Variants in NR3C1 observed in about 807,000 individuals in gnomAD.
NR3C1 encodes the protein nuclear receptor subfamily 3 group C member 1.
In NR3C1, 14 loss-of-function variants were observed where a neutral mutation model predicts 74.0. The ratio of observed to expected loss-of-function variants is 0.19; its 90% CI spans 0.12 to 0.30. The LOEUF (loss-of-function observed/expected upper bound fraction) is 0.30, where lower values mean the gene tolerates loss of function less well. Among genes scored for constraint, NR3C1 ranks in the 10% least tolerant of loss-of-function variants. NR3C1 has a pLI of 1.00. For synonymous variants in NR3C1, 308 were observed against 332.5 expected, an observed-to-expected ratio of 0.93 and a Z score of 0.80; for missense variants, 695 against 909.8, an observed-to-expected ratio of 0.76 and a Z score of 3.04.
rs1168820520 is a variant in NR3C1, at chr5:143,400,080, T to G, written c.760A>C (p.Lys254Gln). The G allele has an allele frequency of 3.7e-6, 6 of 1,614,248 alleles. No homozygotes were observed. The highest frequency in any genetic ancestry group is 1.7e-5 in the Admixed American group (1 of 60,028). Reference protein sequence around the residue: ...DCKPLILPDTKPKIKDNGDLV... With the variant: ...DCKPLILPDTQPKIKDNGDLV... ...TCTCCATTATCCTTAATTTTGGGTT[T>G]AGTGTCCGGTAAAATGAGAGGCTTG... Residue 254 changes from lysine (K) to glutamine (Q), a missense_variant, in exon 2 of 9, where the codon AAA becomes CAA. Physicochemically the swap from Lys to Gln is moderately conservative, Grantham distance 53. Transcript: ENST00000394464.
At chr5:143,371,322 T>G (rs950595424) in intron 2 of NR3C1, among the ~76,000 whole-genome samples, 3 of 152,252 alleles carry the variant, frequency 2.0e-5, no homozygotes, top group Non-Finnish European at 2.9e-5. Context: ...CTGAAAAGAC[T>G]GCTCTTGCTT....
intron 7 of NR3C1, among the ~76,000 whole-genome samples, chr5:143,291,416 G>T (rs531804125): frequency 6.6e-6 from 1 of 151,934 alleles, no homozygotes; most frequent in African/African-American, 2.4e-5. Context: ...AGTAGAGATG[G>T]GGTTTTACCA....
intron 2 of NR3C1, among the ~76,000 whole-genome samples, chr5:143,347,285 T>C (rs1829460989): frequency 6.6e-6 from 1 of 152,174 alleles, no homozygotes; most frequent in Admixed American, 6.6e-5. Context: ...CAGTCATTAA[T>C]ATTTGTAAGA....
At chr5:143,394,737 T>C (rs2151925522) in intron 2 of NR3C1, among the ~76,000 whole-genome samples, 1 of 152,126 alleles carries the variant, frequency 6.6e-6, no homozygotes, top group Middle Eastern at 3.4e-3. Flanking sequence ...GATTTCTACC[T>C]GAAATAAAAG....
At chr5:143,416,231 T>G (rs539597488) in intron 1 of NR3C1, among the ~76,000 whole-genome samples, 149 of 152,278 alleles carry the variant, frequency 9.8e-4, no homozygotes, top group African/African-American at 3.5e-3. Flanking sequence ...TTCCCTAACT[T>G]TGGTCCATGC....
At chr5:143,389,706 T>C (rs1435350699) in intron 2 of NR3C1, among the ~76,000 whole-genome samples, 1 of 152,210 alleles carries the variant, frequency 6.6e-6, no homozygotes, top group East Asian at 1.9e-4. Flanking sequence ...TGATTAAAAA[T>C]GTAGTGCCCA....
intron 2 of NR3C1, among the ~76,000 whole-genome samples, chr5:143,351,807 T>C (rs1422147828): frequency 6.6e-6 from 1 of 152,176 alleles, no homozygotes; most frequent in Non-Finnish European, 1.5e-5. Flanking sequence ...TATCCGATGG[T>C]TCCTAATTGA....
rs1218211378 is a variant in NR3C1, at chr5:143,279,250, C to T, written c.*2639G>A. 1.6e-6 allele frequency: 2 copies of T among 1,219,954 alleles called. No homozygotes were observed. The highest frequency in any genetic ancestry group is 2.7e-5 in the East Asian group (1 of 36,530). The allele number at this position is 1,219,954 out of a possible 1,614,324, so 75.6% of individuals were successfully genotyped here. ...CTTCTTTTCCCATTTAATGAAAAGC[C>T]TCCTATAGTTGTCGATGAGCATCAG... On this transcript the variant is annotated 3_prime_UTR_variant, in exon 9 of 9. Coordinates refer to ENST00000394464, the MANE Select transcript of NR3C1 (RefSeq NM_000176.3).
chr5:143,322,295 G>A (rs1420999906), intron 2 of NR3C1, among the ~76,000 whole-genome samples: 1 of 152,176 alleles, frequency 6.6e-6, no homozygotes, highest in Admixed American at 6.5e-5. Context: ...CAACATCAGT[G>A]TTCTTAAGCA....
chr5:143,313,137 G>C (rs898755166), intron 3 of NR3C1, among the ~76,000 whole-genome samples: 2 of 152,082 alleles, frequency 1.3e-5, no homozygotes, highest in Non-Finnish European at 2.9e-5. Context: ...CAGAGCTTTA[G>C]GCCAAGCTAC....
intron 2 of NR3C1, among the ~76,000 whole-genome samples, chr5:143,326,316 A>T (rs1824594240): frequency 6.6e-6 from 1 of 152,196 alleles, no homozygotes; most frequent in Admixed American, 6.5e-5. Context: ...TAAACATCAA[A>T]GTTAATTTCT....
At chr5:143,297,097 GAA>G (rs1442031733) in intron 6 of NR3C1, among the ~76,000 whole-genome samples, 1 of 125,570 alleles carries the variant, frequency 8.0e-6, no homozygotes, top group Non-Finnish European at 1.7e-5. Flanking sequence ...AAAAAAAAAA[GAA>G]AAGAAAAAGG....
At position 143,340,786 on chromosome 5, in the gene NR3C1, G is replaced by A. The variant is rs13353891; in HGVS notation, c.1185-26618C>T. ...ATGGGCCACCACACCCGGCCAAAAG[G>A]CGATATTTTTTAAAACACATCAATT... On this transcript the variant is annotated intron_variant, in intron 2 of 8. Transcript: ENST00000394464. Among the ~76,000 whole-genome samples, 678 of 152,076 alleles carry A rather than the reference G, an allele frequency of 4.5e-3. 2 individuals carry two copies. The highest frequency in any genetic ancestry group is 0.016 in the African/African-American group (645 of 41,474).
intron 1 of NR3C1, among the ~76,000 whole-genome samples, chr5:143,429,543 G>A (rs938754025): frequency 6.6e-6 from 1 of 152,182 alleles, no homozygotes; most frequent in African/African-American, 2.4e-5. Flanking sequence ...ATCTAAACTT[G>A]AACTGTATGC....
rs1431844238 is a variant in NR3C1, at chr5:143,400,138, T to C, written c.702A>G (p.Ser234=). 3.7e-6 allele frequency: 6 copies of C among 1,614,116 alleles called. No individual in the cohort carries two copies. The highest frequency in any genetic ancestry group is 5.1e-6 in the Non-Finnish European group (6 of 1,180,044). ...CATTCGAGTTTCCTTCCAAAAGGAA[T>C]GAATCGTCTTCTCCCGCCAGAGGAG... ...LLSPLAGEDD[S]FLLEGNSNED... is the part of the protein sequence containing the mutation. Residue 234 remains serine, a synonymous_variant, in exon 2 of 9, where the codon TCA becomes TCG. Coordinates refer to ENST00000394464, the MANE Select transcript of NR3C1 (RefSeq NM_000176.3).
intron 8 of NR3C1, among the ~76,000 whole-genome samples, 192 bp from the exon 9 acceptor site, chr5:143,282,233 T>C (rs1326510379): frequency 6.6e-6 from 1 of 152,214 alleles, no homozygotes; most frequent in Non-Finnish European, 1.5e-5. Flanking sequence ...TAGAATTATA[T>C]AGAATTATTT....
chr5:143,402,762 C>A, intron 1 of NR3C1: 1 of 985,412 alleles, frequency 1.0e-6, no homozygotes, highest in Non-Finnish European at 1.2e-6. Context: ...GGAGCCCGGG[C>A]TCGCGCTCGG....
chr5:143,369,517 T>A (rs1399285076), intron 2 of NR3C1, among the ~76,000 whole-genome samples: 1 of 152,070 alleles, frequency 6.6e-6, no homozygotes, highest in Non-Finnish European at 1.5e-5. Flanking sequence ...TACTCAGCCA[T>A]AAAAAGAAAA....
At chr5:143,283,859 C>T (rs777785771) in intron 7 of NR3C1, among the ~76,000 whole-genome samples, 18 of 152,014 alleles carry the variant, frequency 1.2e-4, no homozygotes, top group African/African-American at 2.9e-4. Flanking sequence ...ATAGTTAGAG[C>T]GAGACAAAGG....
Sources: gnomAD v4.1 joint callset for allele counts (sites outside exome capture counted in the v4.1 genomes callset) on GRCh38, gnomAD v4.1.1 for gene constraint, MANE v1.5 for transcripts, NCBI Gene and HGNC (gene_info 2026-07-23, HGNC 2026-07-21) for gene names.